Variants in C1orf159 observed in about 807,000 individuals in gnomAD.
C1orf159 encodes chromosome 1 open reading frame 159.
Under a neutral mutation model 25.6 loss-of-function variants are expected in C1orf159, and 19 were observed. That is an observed-to-expected ratio of 0.74 (90% confidence interval 0.52 to 1.09). C1orf159 has a LOEUF of 1.09. Ranked by LOEUF, C1orf159 falls within the 50% of genes least tolerant of loss-of-function variation. The probability of loss-of-function intolerance (pLI) is 0.00; values close to 1 mark genes in which losing one functional copy is unlikely to be tolerated. For synonymous variants in C1orf159, 139 were observed against 124.7 expected (o/e 1.12, Z -0.77); for missense variants, 274 against 290.6 (o/e 0.94, Z 0.42).
intron 6 of C1orf159, among the ~76,000 whole-genome samples, 168 bp downstream of exon 6, chr1:1,086,971 C>T (rs1645841709): frequency 1.3e-5 from 2 of 152,186 alleles, no homozygotes; most frequent in Admixed American, 1.3e-4. Flanking sequence ...ACATCCCCCA[C>T]CCACACCAGC....
chr1:1,107,727 A>G (rs1379883451), intron 1 of C1orf159, among the ~76,000 whole-genome samples: 1 of 152,230 alleles, frequency 6.6e-6, no homozygotes, highest in Non-Finnish European at 1.5e-5. Context: ...CGGAGCCAGC[A>G]GCAGCAACCC....
rs562053737 is a variant in C1orf159 at position 1,083,598 on chromosome 1, T to G, written c.503-611A>C. 31 of 358,864 alleles carry G rather than the reference T, an allele frequency of 8.6e-5. No homozygotes were observed. In the South Asian group the frequency reaches 1.1e-3, roughly 13 times the overall value. 22.2% of individuals were successfully genotyped at this position (358,864 alleles called of 1,614,324 possible). ...AGCCTCGGGAAGCGTGTGGCCTTGT[T>G]TGCCCCTTGGTTTTGGACTTCTGAA... is the stretch of plus-strand genomic sequence containing the variant. On this transcript the variant is annotated intron_variant, in intron 9 of 9. Coordinates refer to ENST00000421241, the MANE Select transcript of C1orf159 (RefSeq NM_017891.5).
chr1:1,083,164 T>C (rs1476571571), intron 9 of C1orf159, 177 bp from the exon 10 acceptor site: 4 of 555,672 alleles, frequency 7.2e-6, no homozygotes, highest in Non-Finnish European at 1.3e-5. Flanking sequence ...CCCTCAGAGC[T>C]CCAGCTCGGG....
chr1:1,090,811 TCAGGGGACGAATTCACGCC>T, intron 3 of C1orf159: 1 of 1,366,848 alleles, frequency 7.3e-7, no homozygotes, highest in South Asian at 1.2e-5. Context: ...GGCTGGCATT[TCAGGGGACGAATTCACGCC>T]CAGGTGCCCA....
intron 1 of C1orf159, among the ~76,000 whole-genome samples, chr1:1,098,610 T>C (rs1037928553): frequency 9.9e-5 from 15 of 152,154 alleles, no homozygotes; most frequent in African/African-American, 2.9e-4. Flanking sequence ...CTTAGGAGTA[T>C]TGGCGTAACT....
At chr1:1,093,959 A>G (rs1645976106) in intron 1 of C1orf159, among the ~76,000 whole-genome samples, 1 of 152,262 alleles carries the variant, frequency 6.6e-6, no homozygotes, top group African/African-American at 2.4e-5. Flanking sequence ...TGTCGTTACA[A>G]TCTGCATTTC....
chr1:1,099,264 C>A (rs1379984692), intron 1 of C1orf159, among the ~76,000 whole-genome samples: 10 of 147,340 alleles, frequency 6.8e-5, no homozygotes, highest in Non-Finnish European at 1.3e-4. Context: ...AGGTTAAAAT[C>A]TCCGACTATG....
chr1:1,110,117 A>T lies in C1orf159; in HGVS notation c.-136+5943T>A, dbSNP rs1283097706. ...CGGCCTGGCACGGCCTTAGGTCCTG[A>T]TTATAACTCGGCGTCTTATTGCCGC... On this transcript the variant is annotated intron_variant, in intron 1 of 9. Transcript: ENST00000421241. This position sits in a 1 kb window ranked among gnomAD's most constrained non-coding sequence, Gnocchi z 4.8. Among the ~76,000 whole-genome samples the T allele has an allele frequency of 1.3e-5, 2 of 152,220 alleles. No individual in the cohort carries two copies. Among genetic ancestry groups the T allele is most frequent in the Non-Finnish European group, 2.9e-5 (2 of 68,042 alleles).
At chr1:1,085,274 G>C in intron 7 of C1orf159, 1 of 439,986 alleles carries the variant, frequency 2.3e-6, no homozygotes, top group South Asian at 1.6e-5. Context: ...CTGCTGGCTG[G>C]ACCATCTGCC....
chr1:1,109,030 C>G (rs1297208964), intron 1 of C1orf159, among the ~76,000 whole-genome samples: 1 of 124,760 alleles, frequency 8.0e-6, no homozygotes, highest in Non-Finnish European at 1.6e-5. Flanking sequence ...GCCACCATGT[C>G]TCGGCAGCAC....
rs1646245902 is a variant in C1orf159 at position 1,110,736 on chromosome 1, C to G, written c.-136+5324G>C. ...ACAAAAATAGGCCCAACTCTTCAGA[C>G]AGCGGAAACCCACCCGGGCGCCCTC... On this transcript the variant is annotated intron_variant, in intron 1 of 9. Coordinates refer to ENST00000421241, the MANE Select transcript of C1orf159 (RefSeq NM_017891.5). The surrounding 1 kb of genome is among the most constrained non-coding windows in gnomAD (Gnocchi z 4.8). 6.6e-6 allele frequency among the ~76,000 whole-genome samples: 1 copy of G among 152,240 alleles called. No individual in the cohort carries two copies. The highest frequency in any genetic ancestry group is 1.5e-5 in the Non-Finnish European group (1 of 68,050).
rs547970021 is a variant in C1orf159, at chr1:1,087,317, C to A, written c.245-113G>T. 16 of 1,228,542 alleles carry A rather than the reference C, an allele frequency of 1.3e-5. No homozygotes were observed. The East Asian group carries it at 3.8e-4, about 29-fold the overall frequency. The allele number at this position is 1,228,542 out of a possible 1,614,324, so 76.1% of individuals were successfully genotyped here. ...ATATGAAAGCGAGGGGCTGAGGGGG[C>A]GGAGCAGCCCTCACCACAGAGCTGT... On this transcript the variant is annotated intron_variant, in intron 5 of 9. Coordinates refer to ENST00000421241, the MANE Select transcript of C1orf159 (RefSeq NM_017891.5). The surrounding 1 kb of genome is among the most constrained non-coding windows in gnomAD (Gnocchi z 8.3).
At position 1,082,988 on chromosome 1, in the gene C1orf159, C is replaced by A. The variant is rs1052153135; in HGVS notation, c.503-1G>T. 3 of 1,592,796 alleles carry A rather than the reference C, an allele frequency of 1.9e-6. No individual in the cohort carries two copies. Among genetic ancestry groups the A allele is most frequent in the Non-Finnish European group, 2.6e-6 (3 of 1,169,720 alleles). On this transcript the variant is annotated splice_acceptor_variant, in intron 9 of 9. Coordinates refer to ENST00000421241, the MANE Select transcript of C1orf159 (RefSeq NM_017891.5). LOFTEE classifies it high-confidence loss of function. ...CGCCTGACGTAGCGCGGCTTCCGTA[C>A]TGAAACGGGTCAGAGACAGGCGAGG...
rs1440770619 is a variant in C1orf159 at position 1,087,319 on chromosome 1, G to C, written c.245-115C>G. 4.1e-6 allele frequency: 5 copies of C among 1,228,838 alleles called. No homozygotes were observed. The highest frequency in any genetic ancestry group is 1.9e-4 in the Middle Eastern group (1 of 5,154). 76.1% of individuals were successfully genotyped at this position (1,228,838 alleles called of 1,614,324 possible). ...ATGAAAGCGAGGGGCTGAGGGGGCG[G>C]AGCAGCCCTCACCACAGAGCTGTCC... On this transcript the variant is annotated intron_variant, in intron 5 of 9. Coordinates refer to ENST00000421241, the MANE Select transcript of C1orf159 (RefSeq NM_017891.5). The surrounding 1 kb of genome is among the most constrained non-coding windows in gnomAD (Gnocchi z 8.3).
intron 6 of C1orf159, among the ~76,000 whole-genome samples, chr1:1,086,500 C>T (rs916075247): frequency 2.0e-5 from 3 of 152,220 alleles, no homozygotes; most frequent in East Asian, 1.9e-4. Flanking sequence ...GCCTGGGGCT[C>T]GGGACAGTTG....
intron 1 of C1orf159, among the ~76,000 whole-genome samples, chr1:1,097,796 A>AATC (rs1400282435): frequency 1.3e-5 from 2 of 152,074 alleles, no homozygotes; most frequent in South Asian, 2.1e-4. Flanking sequence ...TTAGGGAAAA[A>AATC]ATCAGCTTTT....
intron 1 of C1orf159, among the ~76,000 whole-genome samples, chr1:1,099,049 A>T (rs942768017): frequency 1.3e-5 from 2 of 152,258 alleles, no homozygotes; most frequent in African/African-American, 2.4e-5. Context: ...TCCGACTATG[A>T]TTGTGGGTTG....
In C1orf159 at chr1:1,082,047, G is replaced by T. The variant is rs879401524; in HGVS notation, c.*846C>A. On this transcript the variant is annotated 3_prime_UTR_variant, in exon 10 of 10. Transcript: ENST00000421241. The stretch of plus-strand genomic sequence containing the variant: ...AGCCCGGGCCTGGCGTGCGGGAGGC[G>T]GCCACGACGGCGCCTTTCTCCCAGG... 1 of 152,282 alleles carries T rather than the reference G, an allele frequency of 6.6e-6. No individual in the cohort carries two copies. Among genetic ancestry groups the T allele is most frequent in the Non-Finnish European group, 1.5e-5 (1 of 68,090 alleles). 9.4% of individuals were successfully genotyped at this position (152,282 alleles called of 1,614,324 possible).
chr1:1,093,768 A>T (rs767944030), intron 1 of C1orf159, among the ~76,000 whole-genome samples: 5 of 152,188 alleles, frequency 3.3e-5, no homozygotes, highest in Non-Finnish European at 7.3e-5. Flanking sequence ...GTCCTGGCAC[A>T]TGTCATCATG....
Sources: allele counts gnomAD v4.1 joint callset (sites outside exome capture counted in the v4.1 genomes callset), GRCh38; gene constraint gnomAD v4.1.1; non-coding constraint Gnocchi (gnomAD v3.1); transcripts MANE v1.5; gene names NCBI Gene and HGNC (gene_info 2026-07-23, HGNC 2026-07-21).